The following RERG variants were observed in gnomAD, a reference collection of about 807,000 sequenced individuals.
RERG encodes the protein RAS like estrogen regulated growth inhibitor, also known as ras-related and estrogen-regulated growth inhibitor.
Under a neutral mutation model 23.2 loss-of-function variants are expected in RERG, and 25 were observed. That is an observed-to-expected ratio of 1.08 (90% confidence interval 0.79 to 1.50). RERG has a LOEUF of 1.50. Ranked by LOEUF, RERG falls within the 40% of genes most tolerant of loss-of-function variation. The pLI, the probability that RERG is intolerant of heterozygous loss-of-function variation, is 0.00. For missense variants in RERG, 253 were observed against 250.1 expected, an observed-to-expected ratio of 1.01 and a Z score of -0.08; for synonymous variants, 81 against 89.1, an observed-to-expected ratio of 0.91 and a Z score of 0.51.
chr12:15,162,301 CT>C (rs1399274995), intron 2 of RERG, among the ~76,000 whole-genome samples: 1 of 152,176 alleles, frequency 6.6e-6, no homozygotes, highest in Admixed American at 6.5e-5. Context: ...GAAAGTATGT[CT>C]TACATCAATC....
chr12:15,207,441 C>T (rs1357227262), intron 2 of RERG, among the ~76,000 whole-genome samples: 2 of 151,960 alleles, frequency 1.3e-5, no homozygotes, highest in Non-Finnish European at 2.9e-5. Flanking sequence ...ACGTTAAAAA[C>T]AAACAAACAA....
intron 2 of RERG, among the ~76,000 whole-genome samples, chr12:15,133,423 T>G (rs190685054): frequency 2.3e-4 from 35 of 152,180 alleles, no homozygotes; most frequent in Non-Finnish European, 4.4e-5. Flanking sequence ...GCTTGAGAGC[T>G]CCTTTCTGTT....
chr12:15,168,022 G>A (rs1278069230), intron 2 of RERG, among the ~76,000 whole-genome samples: 1 of 152,102 alleles, frequency 6.6e-6, no homozygotes, highest in African/African-American at 2.4e-5. Flanking sequence ...GCTTATGATT[G>A]CCTCTCATCT....
intron 2 of RERG, among the ~76,000 whole-genome samples, chr12:15,180,315 T>C (rs1213667435): frequency 1.3e-5 from 2 of 152,192 alleles, no homozygotes; most frequent in South Asian, 2.1e-4. Flanking sequence ...ACATCCACTA[T>C]GTGCCTGGGG....
At chr12:15,200,021 C>T (rs2136140344) in intron 2 of RERG, among the ~76,000 whole-genome samples, 1 of 152,150 alleles carries the variant, frequency 6.6e-6, no homozygotes, top group African/African-American at 2.4e-5. Context: ...TGTAACTCCA[C>T]ACGAAGTGCA....
At chr12:15,212,041 A>ATTTTTT (rs1565539269) in intron 2 of RERG, among the ~76,000 whole-genome samples, 3 of 92,544 alleles carry the variant, frequency 3.2e-5, no homozygotes, top group Non-Finnish European at 4.9e-5. Context: ...CCACGAATAA[A>ATTTTTT]CTTTTTTTTT....
chr12:15,169,346 G>A (rs1205341550), intron 2 of RERG, among the ~76,000 whole-genome samples: 2 of 152,192 alleles, frequency 1.3e-5, no homozygotes, highest in Admixed American at 6.5e-5. Context: ...TGAATTGATA[G>A]ACTGAGTCAA....
chr12:15,161,194 GA>G (rs751200973), intron 2 of RERG, among the ~76,000 whole-genome samples: 2 of 146,058 alleles, frequency 1.4e-5, no homozygotes, highest in East Asian at 2.1e-4. Flanking sequence ...AAGAAAGAAA[GA>G]AAGAAAGAAA....
At chr12:15,151,061 C>T (rs1289581272) in intron 2 of RERG, among the ~76,000 whole-genome samples, 1 of 152,206 alleles carries the variant, frequency 6.6e-6, no homozygotes, top group Non-Finnish European at 1.5e-5. Flanking sequence ...TGGTCCACTA[C>T]AGCCTGTTTC....
At chr12:15,211,284 T>TACAC (rs56263472) in intron 2 of RERG, among the ~76,000 whole-genome samples, 9,084 of 142,758 alleles carry the variant, frequency 0.064, 301 homozygotes, top group East Asian at 0.11. Flanking sequence ...TGTCATTTTA[T>TACAC]ACACACACAC....
chr12:15,139,830 T>C (rs562191825), intron 2 of RERG, among the ~76,000 whole-genome samples: 42 of 152,248 alleles, frequency 2.8e-4, no homozygotes, highest in African/African-American at 9.9e-4. Flanking sequence ...ATTACACTAG[T>C]TAGGTCTTCT....
intron 2 of RERG, among the ~76,000 whole-genome samples, chr12:15,182,377 G>T (rs1328882321): frequency 6.6e-6 from 1 of 151,958 alleles, no homozygotes; most frequent in East Asian, 1.9e-4. Context: ...ACTTTTAAAA[G>T]GTTTCCTGGA....
chr12:15,181,572 C>T (rs529735517), intron 2 of RERG, among the ~76,000 whole-genome samples: 1 of 152,252 alleles, frequency 6.6e-6, no homozygotes, highest in Non-Finnish European at 1.5e-5. Context: ...TCCATTTCTC[C>T]GTCTGTAAGT....
chr12:15,154,875 G>A (rs1262185315), intron 2 of RERG, among the ~76,000 whole-genome samples: 1 of 152,108 alleles, frequency 6.6e-6, no homozygotes, highest in Non-Finnish European at 1.5e-5. Flanking sequence ...ATATTTGATG[G>A]AGGAGCTTCA....
At chr12:15,153,541 T>C (rs1299017835) in intron 2 of RERG, among the ~76,000 whole-genome samples, 1 of 152,180 alleles carries the variant, frequency 6.6e-6, no homozygotes, top group African/African-American at 2.4e-5. Flanking sequence ...TTGAGATTTA[T>C]AAGGAACTAG....
intron 2 of RERG, among the ~76,000 whole-genome samples, chr12:15,143,200 C>T (rs76897634): frequency 0.051 from 7,676 of 151,926 alleles, 303 homozygotes; most frequent in African/African-American, 0.1. Flanking sequence ...AAAGAAAATT[C>T]GACGGTAATT....
chr12:15,166,494 TGATGATGGG>T (rs1384846157), intron 2 of RERG, among the ~76,000 whole-genome samples: 61 of 145,498 alleles, frequency 4.2e-4, no homozygotes, highest in African/African-American at 1.1e-3. Context: ...ATGATGATGA[TGATGATGGG>T]GATGGTGGTG....
chr12:15,196,218 TATAG>T (rs767368014), intron 2 of RERG, among the ~76,000 whole-genome samples: 4 of 152,164 alleles, frequency 2.6e-5, no homozygotes, highest in Non-Finnish European at 4.4e-5. Flanking sequence ...AGGTAATATC[TATAG>T]ATACGTAGGA....
intron 2 of RERG, among the ~76,000 whole-genome samples, chr12:15,210,222 C>G (rs540559345): frequency 4.6e-5 from 7 of 152,268 alleles, no homozygotes; most frequent in South Asian, 2.1e-4. Flanking sequence ...AATGTTCTTC[C>G]CTCCACTTAA....
Sources: allele counts gnomAD v4.1 joint callset (sites outside exome capture counted in the v4.1 genomes callset), GRCh38; gene constraint gnomAD v4.1.1; transcripts MANE v1.5; gene names NCBI Gene and HGNC (gene_info 2026-07-23, HGNC 2026-07-21).